RHOBTB1: variants seen among roughly 807,000 people sequenced by gnomAD.
The protein encoded by RHOBTB1 is Rho related BTB domain containing 1, also known as rho-related BTB domain-containing protein 1.
Under a neutral mutation model 71.6 loss-of-function variants are expected in RHOBTB1, and 40 were observed. The ratio of observed to expected loss-of-function variants is 0.56; its 90% CI spans 0.43 to 0.73. The LOEUF (loss-of-function observed/expected upper bound fraction) is 0.73, where lower values mean the gene tolerates loss of function less well. RHOBTB1 is among the 30% of genes least tolerant of loss of function. RHOBTB1 has a pLI of 0.00. For synonymous variants in RHOBTB1, 319 were observed against 334.9 expected, an observed-to-expected ratio of 0.95 and a Z score of 0.52; for missense variants, 797 against 894.0, an observed-to-expected ratio of 0.89 and a Z score of 1.38.
intron 1 of RHOBTB1, among the ~76,000 whole-genome samples, chr10:60,997,200 G>A (rs145480285): frequency 6.6e-6 from 1 of 151,960 alleles, no homozygotes; most frequent in African/African-American, 2.4e-5. Flanking sequence ...AGTTCCTCCC[G>A]AAATATCTTT....
At chr10:60,891,507 A>ATTTATT (rs1047106363) in intron 5 of RHOBTB1, among the ~76,000 whole-genome samples, 11 of 151,112 alleles carry the variant, frequency 7.3e-5, no homozygotes, top group South Asian at 2.1e-4. Flanking sequence ...GTCCTGGCTG[A>ATTTATT]TTTATTTTTA....
intron 7 of RHOBTB1, among the ~76,000 whole-genome samples, chr10:60,882,355 A>G (rs1589169559): frequency 6.6e-6 from 1 of 152,318 alleles, no homozygotes; most frequent in East Asian, 1.9e-4. Flanking sequence ...ATGAGAAAGT[A>G]TCCTAGATCC....
chr10:60,911,614 G>A (rs770164723), intron 2 of RHOBTB1, 62 bp from the exon 3 acceptor site: 19 of 1,379,706 alleles, frequency 1.4e-5, no homozygotes, highest in East Asian at 9.2e-5. Context: ...AATCAAAGAC[G>A]TAAGAGGTTC....
At chr10:60,991,553 C>T (rs922125653) in intron 1 of RHOBTB1, among the ~76,000 whole-genome samples, 35 of 152,044 alleles carry the variant, frequency 2.3e-4, no homozygotes, top group African/African-American at 8.0e-4. Context: ...GCCTCAGCCT[C>T]CTGAGCAGCT....
At chr10:60,901,390 A>G (rs965161515) in intron 4 of RHOBTB1, among the ~76,000 whole-genome samples, 16 of 152,360 alleles carry the variant, frequency 1.1e-4, no homozygotes, top group African/African-American at 3.4e-4. Context: ...GCCAATTATT[A>G]TCAGACAAAT....
chr10:60,993,825 T>C (rs373860174), intron 1 of RHOBTB1, among the ~76,000 whole-genome samples: 6 of 152,022 alleles, frequency 3.9e-5, no homozygotes, highest in Non-Finnish European at 5.9e-5. Flanking sequence ...CAACATGTAA[T>C]TGATTACTGT....
At chr10:60,862,587 T>A in the RHOBTB1 span, among the ~76,000 whole-genome samples, 3 of 151,886 alleles carry the variant, frequency 2.0e-5, no homozygotes, top group Non-Finnish European at 4.4e-5. Flanking sequence ...TTTTTCTTTC[T>A]TTCCTATTTC....
chr10:60,873,872 G>A (rs902770302), intron 9 of RHOBTB1, among the ~76,000 whole-genome samples: 21 of 152,200 alleles, frequency 1.4e-4, no homozygotes, highest in African/African-American at 3.4e-4. Context: ...ATATGTACAC[G>A]GCCTTTGCCT....
intron 2 of RHOBTB1, among the ~76,000 whole-genome samples, chr10:60,957,138 T>C (rs529930424): frequency 6.6e-6 from 1 of 152,334 alleles, no homozygotes; most frequent in Admixed American, 6.5e-5. Flanking sequence ...AAGACCAGCC[T>C]AAGGCTGTTT....
chr10:60,926,958 T>C (rs779442785), intron 2 of RHOBTB1, among the ~76,000 whole-genome samples: 1 of 152,226 alleles, frequency 6.6e-6, no homozygotes, highest in Non-Finnish European at 1.5e-5. Flanking sequence ...TTGCAGATGA[T>C]ATCTTATATT....
At chr10:60,915,850 G>A (rs1272914566) in intron 2 of RHOBTB1, among the ~76,000 whole-genome samples, 2 of 152,120 alleles carry the variant, frequency 1.3e-5, no homozygotes, top group Non-Finnish European at 2.9e-5. Flanking sequence ...CCTACAGGAT[G>A]GTGCAGCCCA....
intron 2 of RHOBTB1, among the ~76,000 whole-genome samples, chr10:60,975,133 T>A (rs1239864549): frequency 6.6e-6 from 1 of 152,082 alleles, no homozygotes; most frequent in Non-Finnish European, 1.5e-5. Context: ...TTGCTGTATT[T>A]TTCTCTAAAG....
chr10:60,931,768 TA>T (rs964721918), intron 2 of RHOBTB1, among the ~76,000 whole-genome samples: 1 of 151,900 alleles, frequency 6.6e-6, no homozygotes, highest in South Asian at 2.1e-4. Flanking sequence ...AGCTCTCACA[TA>T]AAAAAAACCC....
chr10:60,998,747 C>T (rs916422671), intron 1 of RHOBTB1, among the ~76,000 whole-genome samples: 3 of 152,168 alleles, frequency 2.0e-5, no homozygotes, highest in African/African-American at 7.2e-5. Flanking sequence ...TAATCCAAAG[C>T]TAGTGAAAGG....
At chr10:60,938,125 T>A (rs4545508) in intron 2 of RHOBTB1, among the ~76,000 whole-genome samples, 2 of 152,146 alleles carry the variant, frequency 1.3e-5, no homozygotes, top group Admixed American at 6.5e-5. Context: ...GGGTGTTATG[T>A]TTTGAATAAG....
intron 7 of RHOBTB1, among the ~76,000 whole-genome samples, chr10:60,878,927 T>C (rs1412033823): frequency 6.6e-6 from 1 of 152,250 alleles, no homozygotes; most frequent in Non-Finnish European, 1.5e-5. Flanking sequence ...TAGTTCAGAA[T>C]GGTACCACTT....
chr10:60,945,984 C>A (rs1379234989), upstream of RHOBTB1, among the ~76,000 whole-genome samples: 1 of 152,164 alleles, frequency 6.6e-6, no homozygotes, highest in Admixed American at 6.5e-5. Flanking sequence ...TCGAAACCAG[C>A]CTGGCCAACA....
Position 60,976,830 on chromosome 10 carries a change from TGA to T in RHOBTB1, c.-62+9013_-62+9014del, listed in dbSNP as rs558624664. 1.4e-3 allele frequency among the ~76,000 whole-genome samples: 220 copies of T among 152,154 alleles called. 1 individual carries two copies. Among genetic ancestry groups the T allele is most frequent in the African/African-American group, 5.1e-3 (213 of 41,540 alleles). On this transcript the variant is annotated intron_variant, in intron 2 of 11. Coordinates refer to the RHOBTB1 transcript ENST00000357917. The stretch of plus-strand genomic sequence containing the variant: ...TGGTTTCAAAAATACATGTTAAATT[TGA>T]GAGAGAATTTCTGGATTCAGAAAGA...
intron 2 of RHOBTB1, among the ~76,000 whole-genome samples, chr10:60,933,974 T>C (rs543868094): frequency 6.6e-6 from 1 of 152,304 alleles, no homozygotes; most frequent in South Asian, 2.1e-4. Context: ...AAAATATTAA[T>C]GCCAACAACT....
Sources: gnomAD v4.1 joint callset for allele counts (sites outside exome capture counted in the v4.1 genomes callset) on GRCh38, gnomAD v4.1.1 for gene constraint, MANE v1.5 for transcripts, NCBI Gene and HGNC (gene_info 2026-07-23, HGNC 2026-07-21) for gene names.